Variants in ROBO2 observed in about 807,000 individuals in gnomAD.
The protein encoded by ROBO2 is roundabout homolog 2.
Under a neutral mutation model 160.8 loss-of-function variants are expected in ROBO2, and 53 were observed. The ratio of observed to expected loss-of-function variants is 0.33; its 90% CI spans 0.26 to 0.41. The LOEUF (loss-of-function observed/expected upper bound fraction) is 0.41. Ranked by LOEUF, ROBO2 falls within the 10% of genes least tolerant of loss-of-function variation. The pLI is 1.00. For synonymous variants in ROBO2, 664 were observed against 611.7 expected (o/e 1.09, Z -1.26); for missense variants, 1,577 against 1,722.4 (o/e 0.92, Z 1.49).
At chr3:77,451,145 T>A (rs1582052583) in intron 2 of ROBO2, among the ~76,000 whole-genome samples, 1 of 152,140 alleles carries the variant, frequency 6.6e-6, no homozygotes. Flanking sequence ...TTCCTACAAA[T>A]TTTTATTTCC....
chr3:76,944,244 C>A (rs2078375584), intron 2 of ROBO2, among the ~76,000 whole-genome samples: 1 of 151,982 alleles, frequency 6.6e-6, no homozygotes, highest in Non-Finnish European at 1.5e-5. Context: ...CCTATACTGG[C>A]AAGTTATCAC....
intron 2 of ROBO2, among the ~76,000 whole-genome samples, chr3:76,640,053 G>T (rs942907514): frequency 6.6e-6 from 1 of 152,114 alleles, no homozygotes; most frequent in African/African-American, 2.4e-5. Flanking sequence ...TTTTAACTGC[G>T]TTGTACTTTC....
chr3:76,560,302 A>G (rs894920806), intron 2 of ROBO2, among the ~76,000 whole-genome samples: 4 of 152,116 alleles, frequency 2.6e-5, no homozygotes, highest in African/African-American at 9.7e-5. Flanking sequence ...ACCCAAATAT[A>G]TCTTCCACTA....
intron 9 of ROBO2, among the ~76,000 whole-genome samples, chr3:77,560,465 T>A (rs1294511228): frequency 6.6e-6 from 1 of 152,100 alleles, no homozygotes; most frequent in African/African-American, 2.4e-5. Context: ...GACCCCAAAA[T>A]GAAAACGTTG....
intron 2 of ROBO2, among the ~76,000 whole-genome samples, chr3:77,366,299 T>A (rs9843451): frequency 0.41 from 61,650 of 151,938 alleles, 13,242 homozygotes; most frequent in East Asian, 0.71. Flanking sequence ...TTGAAACCTA[T>A]TCCTCAATTT....
At chr3:76,039,512 C>G (rs1486842183) in intron 2 of ROBO2, among the ~76,000 whole-genome samples, 1 of 151,588 alleles carries the variant, frequency 6.6e-6, no homozygotes, top group Admixed American at 6.6e-5. Flanking sequence ...TTTCTACTCT[C>G]TTAAGAAAAA....
chr3:77,634,158 A>G (rs921030002), intron 23 of ROBO2: 1 of 152,232 alleles, frequency 6.6e-6, no homozygotes, highest in Admixed American at 6.5e-5. Context: ...AAACCACAAG[A>G]AAAGGACACA....
At chr3:76,857,130 C>T (rs1294533046) in intron 2 of ROBO2, among the ~76,000 whole-genome samples, 3 of 152,108 alleles carry the variant, frequency 2.0e-5, no homozygotes, top group Non-Finnish European at 4.4e-5. Flanking sequence ...GGACTACAGG[C>T]GCCCGCCACC....
chr3:76,376,070 T>C (rs1175554500), intron 2 of ROBO2, among the ~76,000 whole-genome samples: 32 of 152,244 alleles, frequency 2.1e-4, no homozygotes, highest in Admixed American at 9.8e-4. Context: ...ATCTCCTTCA[T>C]GTGGAAGAAT....
At chr3:77,591,804 C>T (rs183211768) in intron 17 of ROBO2, among the ~76,000 whole-genome samples, 52 of 152,274 alleles carry the variant, frequency 3.4e-4, no homozygotes, top group African/African-American at 1.1e-3. Context: ...ACCCTTCTTA[C>T]AGCTTCAAGG....
At chr3:77,139,562 G>C (rs2076542020) in intron 2 of ROBO2, among the ~76,000 whole-genome samples, 1 of 152,102 alleles carries the variant, frequency 6.6e-6, no homozygotes, top group Non-Finnish European at 1.5e-5. Context: ...TGTCTGATTT[G>C]GAAGTGTGGT....
intron 2 of ROBO2, among the ~76,000 whole-genome samples, chr3:76,981,707 C>T (rs2060108117): frequency 6.6e-6 from 1 of 152,162 alleles, no homozygotes; most frequent in Admixed American, 6.5e-5. Flanking sequence ...TTAATTGGCT[C>T]ACTATTCTGT....
intron 2 of ROBO2, among the ~76,000 whole-genome samples, chr3:76,677,563 C>T (rs1275746362): frequency 6.6e-6 from 1 of 152,108 alleles, no homozygotes; most frequent in Non-Finnish European, 1.5e-5. Context: ...GGTCACTCTA[C>T]CCTCAGCAGT....
chr3:77,451,569 A>G (rs1307734849), intron 2 of ROBO2, among the ~76,000 whole-genome samples: 2 of 152,016 alleles, frequency 1.3e-5, no homozygotes, highest in Non-Finnish European at 2.9e-5. Context: ...GTTTTATTTA[A>G]TATATATTAA....
intron 2 of ROBO2, among the ~76,000 whole-genome samples, chr3:77,130,193 C>T (rs1383654173): frequency 1.3e-5 from 2 of 152,030 alleles, no homozygotes; most frequent in South Asian, 2.1e-4. Flanking sequence ...TGTCAACTTC[C>T]GATGGCCGGC....
At chr3:76,914,809 T>A (rs1460556598) in intron 2 of ROBO2, among the ~76,000 whole-genome samples, 3 of 152,134 alleles carry the variant, frequency 2.0e-5, no homozygotes, top group African/African-American at 7.2e-5. Flanking sequence ...GGAGCACATG[T>A]TGGAAGAAGG....
intron 2 of ROBO2, among the ~76,000 whole-genome samples, chr3:76,105,516 G>A (rs759794091): frequency 5.1e-4 from 78 of 152,012 alleles, no homozygotes; most frequent in Non-Finnish European, 1.0e-3. Flanking sequence ...TTCATTGTTG[G>A]AATTTGATAC....
chr3:76,443,205 C>G (rs960017797), intron 2 of ROBO2, among the ~76,000 whole-genome samples: 19 of 152,136 alleles, frequency 1.2e-4, no homozygotes, highest in Non-Finnish European at 2.4e-4. Flanking sequence ...TCATTACCTG[C>G]AAGACAGCAA....
chr3:76,102,702 G>A (rs538982895), intron 2 of ROBO2, among the ~76,000 whole-genome samples: 3 of 152,246 alleles, frequency 2.0e-5, no homozygotes, highest in Admixed American at 6.5e-5. Context: ...GAGAAAACCA[G>A]CTTTTCAATG....
Sources: allele counts gnomAD v4.1 joint callset (sites outside exome capture counted in the v4.1 genomes callset), GRCh38; gene constraint gnomAD v4.1.1; transcripts MANE v1.5; gene names NCBI Gene and HGNC (gene_info 2026-07-23, HGNC 2026-07-21).